Variants in LIPA observed in about 807,000 individuals in gnomAD.
LIPA encodes the protein lipase A, lysosomal acid type.
A neutral mutation model predicts 40.6 loss-of-function variants in LIPA; 26 were observed. The ratio of observed to expected loss-of-function variants is 0.64; its 90% CI spans 0.47 to 0.89. LIPA has a LOEUF of 0.89. Among genes scored for constraint, LIPA ranks in the 40% least tolerant of loss-of-function variants. LIPA has a pLI of 0.00. For synonymous variants in LIPA, 188 were observed against 168.4 expected (o/e 1.12, Z -0.90); for missense variants, 455 against 479.6 (o/e 0.95, Z 0.48).
chr10:89,401,291 T>G (rs1844419235), intron 2 of LIPA, among the ~76,000 whole-genome samples: 1 of 152,068 alleles, frequency 6.6e-6, no homozygotes, highest in Non-Finnish European at 1.5e-5. Flanking sequence ...TAATTTTTTT[T>G]TTGTATTTTT....
At chr10:89,264,622 G>A (rs1181310161) in intron 1 of LIPA, among the ~76,000 whole-genome samples, 1 of 152,248 alleles carries the variant, frequency 6.6e-6, no homozygotes, top group Non-Finnish European at 1.5e-5. Flanking sequence ...AGAGTGGGTA[G>A]CTCCTATCCG....
chr10:89,258,281 C>T (rs1007057817), intron 1 of LIPA, among the ~76,000 whole-genome samples: 8 of 152,016 alleles, frequency 5.3e-5, no homozygotes, highest in Non-Finnish European at 1.0e-4. Context: ...AAAATTAACT[C>T]AAAATGGACC....
At chr10:89,349,769 C>T (rs1390623113) in intron 2 of LIPA, among the ~76,000 whole-genome samples, 1 of 152,154 alleles carries the variant, frequency 6.6e-6, no homozygotes, top group Non-Finnish European at 1.5e-5. Context: ...TGCAATTAGC[C>T]TCTGTATCAT....
intron 2 of LIPA, among the ~76,000 whole-genome samples, chr10:89,381,822 G>A (rs1844165569): frequency 6.6e-6 from 1 of 151,780 alleles, no homozygotes; most frequent in African/African-American, 2.4e-5. Flanking sequence ...GTCTGGCTCT[G>A]TTGCCCAGCC....
chr10:89,325,482 A>T (rs1295374170), intron 1 of LIPA, among the ~76,000 whole-genome samples: 2 of 152,128 alleles, frequency 1.3e-5, no homozygotes, highest in African/African-American at 4.8e-5. Context: ...CCATCAACAG[A>T]AGACAGGATA....
At chr10:89,363,702 G>A (rs558689707) in intron 2 of LIPA, among the ~76,000 whole-genome samples, 4 of 145,342 alleles carry the variant, frequency 2.8e-5, no homozygotes, top group South Asian at 2.2e-4. Context: ...GCGTGAACCC[G>A]AGAGGCGGAG....
At chr10:89,215,887 T>G in intron 9 of LIPA, 51 bp downstream of exon 9, 1 of 1,203,750 alleles carries the variant, frequency 8.3e-7, no homozygotes, top group Non-Finnish European at 1.2e-6. Flanking sequence ...CAGGCTGGCT[T>G]TCTTGATGAG....
At chr10:89,349,865 C>G (rs1465212470) in intron 2 of LIPA, among the ~76,000 whole-genome samples, 1 of 152,120 alleles carries the variant, frequency 6.6e-6, no homozygotes, top group Non-Finnish European at 1.5e-5. Flanking sequence ...AAAAAGCAGA[C>G]GCAGGATGAG....
chr10:89,275,237 G>C (rs916742344), intron 1 of LIPA, among the ~76,000 whole-genome samples: 1 of 152,144 alleles, frequency 6.6e-6, no homozygotes. Context: ...AGAATACTAT[G>C]GCCCATCTCC....
intron 3 of LIPA, among the ~76,000 whole-genome samples, chr10:89,231,745 G>A (rs974043674): frequency 6.6e-6 from 1 of 152,162 alleles, no homozygotes; most frequent in African/African-American, 2.4e-5. Context: ...CTCAAAGTGC[G>A]GGGATTACAG....
intron 1 of LIPA, among the ~76,000 whole-genome samples, chr10:89,318,622 T>C (rs1030036368): frequency 1.3e-5 from 2 of 152,164 alleles, no homozygotes; most frequent in Admixed American, 1.3e-4. Flanking sequence ...CAGGAGACTT[T>C]AACACCCCAC....
At chr10:89,331,457 G>C (rs1843649006) in intron 1 of LIPA, among the ~76,000 whole-genome samples, 1 of 152,160 alleles carries the variant, frequency 6.6e-6, no homozygotes, top group Non-Finnish European at 1.5e-5. Context: ...ACAGGCGTGA[G>C]CCTCCGTGCC....
At chr10:89,266,703 ACTATTTTCC>A (rs1843238053) in intron 1 of LIPA, among the ~76,000 whole-genome samples, 1 of 152,204 alleles carries the variant, frequency 6.6e-6, no homozygotes, top group South Asian at 2.1e-4. Flanking sequence ...CTCATGTCTG[ACTATTTTCC>A]ATTTCCCAGT....
At chr10:89,368,507 A>C (rs1844073803) in intron 2 of LIPA, among the ~76,000 whole-genome samples, 2 of 151,274 alleles carry the variant, frequency 1.3e-5, no homozygotes, top group Admixed American at 1.3e-4. Context: ...CCACCCACCA[A>C]CTCTGCTCTC....
intron 1 of LIPA, among the ~76,000 whole-genome samples, chr10:89,257,699 C>G (rs192571356): frequency 6.6e-6 from 1 of 152,236 alleles, no homozygotes; most frequent in Non-Finnish European, 1.5e-5. Context: ...CAAGCAAAAT[C>G]CAGCAGTTTA....
chr10:89,347,937 C>T (rs1338724619), intron 2 of LIPA, among the ~76,000 whole-genome samples: 1 of 152,198 alleles, frequency 6.6e-6, no homozygotes, highest in African/African-American at 2.4e-5. Flanking sequence ...TTTACAACCC[C>T]CACCATGTGG....
intron 8 of LIPA, among the ~76,000 whole-genome samples, chr10:89,217,248 A>C (rs575425132): frequency 6.6e-6 from 1 of 152,362 alleles, no homozygotes; most frequent in South Asian, 2.1e-4. Context: ...AATCAACTGC[A>C]TACAATTCTA....
At chr10:89,328,775 G>C (rs1843622963) in intron 1 of LIPA, among the ~76,000 whole-genome samples, 1 of 152,216 alleles carries the variant, frequency 6.6e-6, no homozygotes, top group Non-Finnish European at 1.5e-5. Context: ...AAAGTGTAAT[G>C]ACCTAATCTA....
chr10:89,364,272 G>T (rs12244233), intron 2 of LIPA, among the ~76,000 whole-genome samples: 34,863 of 152,064 alleles, frequency 0.23, 4,177 homozygotes, highest in African/African-American at 0.25. Context: ...CCTGGCACCT[G>T]CCAGACCAAT....
Sources: gnomAD v4.1 joint callset for allele counts (sites outside exome capture counted in the v4.1 genomes callset) on GRCh38, gnomAD v4.1.1 for gene constraint, MANE v1.5 for transcripts, NCBI Gene and HGNC (gene_info 2026-07-23, HGNC 2026-07-21) for gene names.